PINX1: variants seen among roughly 807,000 people sequenced by gnomAD.
The protein encoded by PINX1 is PIN2/TERF1-interacting telomerase inhibitor 1.
In PINX1, 34 loss-of-function variants were observed where a neutral mutation model predicts 25.4. The observed-to-expected ratio is 1.34, with a 90% CI of 1.02 to 1.78. PINX1 has a LOEUF of 1.78. PINX1 is among the 40% of genes most tolerant of loss of function. The probability of loss-of-function intolerance (pLI) is 0.00; values close to 1 mark genes in which losing one functional copy is unlikely to be tolerated. For synonymous variants in PINX1, 197 were observed against 147.7 expected (o/e 1.33, Z -2.42); for missense variants, 592 against 404.9 (o/e 1.46, Z -3.97).
At chr8:10,838,752 C>G (rs946027954) in intron 1 of PINX1, among the ~76,000 whole-genome samples, 1 of 152,158 alleles carries the variant, frequency 6.6e-6, no homozygotes, top group Admixed American at 6.5e-5. Context: ...GTCTTACTGG[C>G]AAGAACATAA....
chr8:10,769,101 G>C (rs1438255312), intron 6 of PINX1, among the ~76,000 whole-genome samples: 1 of 152,176 alleles, frequency 6.6e-6, no homozygotes, highest in Non-Finnish European at 1.5e-5. Context: ...AGAGTAACTT[G>C]AAAACTTCTG....
chr8:10,822,704 G>A (rs1015100036), intron 5 of PINX1, among the ~76,000 whole-genome samples: 5 of 152,088 alleles, frequency 3.3e-5, no homozygotes, highest in East Asian at 1.9e-4. Context: ...TCATTGACAC[G>A]AGAACTTAGG....
At position 10,767,316 on chromosome 8, in the gene PINX1, G is replaced by A. The variant is rs546699069; in HGVS notation, c.472-1400C>T. On this transcript the variant is annotated intron_variant, in intron 6 of 6. Transcript: ENST00000314787. ...TGGAATCCAAGATAATGTCCCAGTT[G>A]CAGTTCCAGCAGAATCGATATTAAT... is the stretch of plus-strand genomic sequence containing the variant. Among the ~76,000 whole-genome samples, 3 of 152,198 alleles carry A rather than the reference G, an allele frequency of 2.0e-5. No individual in the cohort carries two copies. The South Asian group carries it at 6.2e-4, about 32-fold the overall frequency.
At chr8:10,776,483 T>G (rs1801400832) in intron 6 of PINX1, among the ~76,000 whole-genome samples, 1 of 151,990 alleles carries the variant, frequency 6.6e-6, no homozygotes, top group Non-Finnish European at 1.5e-5. Context: ...AAATTGGTCT[T>G]TAACATTATA....
intron 4 of PINX1, among the ~76,000 whole-genome samples, chr8:10,829,997 C>T (rs1195080246): frequency 6.6e-6 from 1 of 152,186 alleles, no homozygotes; most frequent in East Asian, 1.9e-4. Context: ...ATCTGTGTTT[C>T]TACTGAGTTC....
At chr8:10,773,306 C>T (rs1021632449) in intron 6 of PINX1, among the ~76,000 whole-genome samples, 3 of 152,184 alleles carry the variant, frequency 2.0e-5, no homozygotes, top group Non-Finnish European at 2.9e-5. Flanking sequence ...CTCCTGCCAA[C>T]GACAGAATGC....
chr8:10,797,114 A>G (rs1398888270), intron 6 of PINX1, among the ~76,000 whole-genome samples: 2 of 152,080 alleles, frequency 1.3e-5, no homozygotes, highest in Non-Finnish European at 2.9e-5. Flanking sequence ...CGGGTGACGG[A>G]GAGTGTTGCT....
chr8:10,779,865 G>A (rs1319591275), intron 6 of PINX1, among the ~76,000 whole-genome samples: 2 of 152,192 alleles, frequency 1.3e-5, no homozygotes, highest in Non-Finnish European at 2.9e-5. Flanking sequence ...CGCCTAGACT[G>A]TGTCGCTAAA....
intron 4 of PINX1, among the ~76,000 whole-genome samples, 185 bp downstream of exon 4, chr8:10,831,480 T>C (rs1026092721): frequency 6.6e-6 from 1 of 152,256 alleles, no homozygotes; most frequent in Admixed American, 6.5e-5. Flanking sequence ...TGAAGTGATA[T>C]ATATGCTAAT....
chr8:10,795,999 C>G (rs1263811170), intron 6 of PINX1, among the ~76,000 whole-genome samples: 1 of 152,066 alleles, frequency 6.6e-6, no homozygotes. Flanking sequence ...ATTATCGTCA[C>G]AGAAGAAAGG....
At chr8:10,826,059 T>G in intron 5 of PINX1, 93 bp downstream of exon 5, 1 of 661,018 alleles carries the variant, frequency 1.5e-6, no homozygotes, top group East Asian at 2.7e-5. Context: ...CCATAAAGCA[T>G]GAAGTCGCTA....
At chr8:10,780,087 C>T (rs1483481824) in intron 6 of PINX1, among the ~76,000 whole-genome samples, 1 of 152,218 alleles carries the variant, frequency 6.6e-6, no homozygotes, top group African/African-American at 2.4e-5. Context: ...TGCAACTTTA[C>T]TGCATTCATT....
Position 10,834,769 on chromosome 8 carries a change from C to T in PINX1, c.26G>A (p.Arg9Gln), listed in dbSNP as rs1451228780. The change falls in exon 2 of 7, where the codon CGG (arginine) becomes CAG (glutamine). Residue 9 changes from arginine (R) to glutamine (Q), a missense_variant. Physicochemically the swap from Arg to Gln is conservative, Grantham distance 43. Coordinates refer to ENST00000314787, the MANE Select transcript of PINX1 (RefSeq NM_017884.6). The stretch of plus-strand genomic sequence containing the variant: ...AGGATCCACAGCCCACTTCTGCTTC[C>T]GCCGACCTGTAAATGAAAAAGCATT... MSMLAERR[R>Q]KQKWAVDPQN... is the part of the protein sequence containing the mutation. 5.0e-6 allele frequency: 8 copies of T among 1,611,146 alleles called. No homozygotes were observed. The highest frequency in any genetic ancestry group is 2.2e-5 in the South Asian group (2 of 90,576).
intron 5 of PINX1, among the ~76,000 whole-genome samples, chr8:10,823,389 G>A (rs1797935140): frequency 1.3e-5 from 2 of 152,060 alleles, no homozygotes; most frequent in African/African-American, 4.8e-5. Context: ...CTGAGGGGAG[G>A]AAGCACTGCT....
At chr8:10,766,222 GA>G (rs1265530076) in intron 6 of PINX1, among the ~76,000 whole-genome samples, 9 of 152,216 alleles carry the variant, frequency 5.9e-5, no homozygotes, top group Non-Finnish European at 7.3e-5. Context: ...CGCCTCGATG[GA>G]ATTCTGAGTA....
At chr8:10,836,237 C>T (rs1207244840) in intron 1 of PINX1, among the ~76,000 whole-genome samples, 2 of 151,992 alleles carry the variant, frequency 1.3e-5, no homozygotes, top group Non-Finnish European at 2.9e-5. Flanking sequence ...GAAAAAAAGG[C>T]CCTTAACAAA....
intron 6 of PINX1, among the ~76,000 whole-genome samples, chr8:10,782,773 T>C (rs937359599): frequency 1.4e-5 from 2 of 142,650 alleles, no homozygotes; most frequent in Non-Finnish European, 3.0e-5. Context: ...TCCCACTGGG[T>C]AGAAATGGAA....
At chr8:10,802,205 C>G (rs1265418995) in intron 6 of PINX1, among the ~76,000 whole-genome samples, 4 of 152,176 alleles carry the variant, frequency 2.6e-5, no homozygotes, top group Non-Finnish European at 2.9e-5. Flanking sequence ...GCATTCAATG[C>G]CAGGGAACTC....
At chr8:10,824,616 C>T (rs1196128614) in intron 5 of PINX1, among the ~76,000 whole-genome samples, 2 of 152,144 alleles carry the variant, frequency 1.3e-5, no homozygotes, top group South Asian at 2.1e-4. Context: ...CAGATGCTCC[C>T]GGCATCCATT....
Sources: gnomAD v4.1 joint callset for allele counts (sites outside exome capture counted in the v4.1 genomes callset) on GRCh38, gnomAD v4.1.1 for gene constraint, MANE v1.5 for transcripts, NCBI Gene and HGNC (gene_info 2026-07-23, HGNC 2026-07-21) for gene names.